Variants in TEF observed in about 807,000 individuals in gnomAD.
TEF encodes TEF transcription factor, PAR bZIP family member.
In TEF, 3 loss-of-function variants were observed where a neutral mutation model predicts 20.8. The observed-to-expected ratio is 0.14, with a 90% CI of 0.07 to 0.37. The LOEUF is 0.37. Ranked by LOEUF, TEF falls within the 10% of genes least tolerant of loss-of-function variation. The probability of loss-of-function intolerance (pLI) is 1.00; values close to 1 mark genes in which losing one functional copy is unlikely to be tolerated. For missense variants in TEF, 296 were observed against 397.9 expected, an observed-to-expected ratio of 0.74 and a Z score of 2.18; for synonymous variants, 180 against 171.1, an observed-to-expected ratio of 1.05 and a Z score of -0.41.
Position 41,369,667 on chromosome 22 carries a change from T to C in TEF, c.67+2068T>C, listed in dbSNP as rs369247385. On this transcript the variant is annotated intron_variant, in intron 1 of 3. Transcript: ENST00000406644. ...GCAATAGACCTTGTTGAAAAGAGGG[T>C]ATAGCCACCACACAGAATGATTACA... 1.1e-4 allele frequency among the ~76,000 whole-genome samples: 17 copies of C among 152,224 alleles called. No individual in the cohort carries two copies. In the East Asian group the frequency reaches 2.7e-3, roughly 24 times the overall value.
chr22:41,392,589 G>T (rs2037180098), intron 2 of TEF, among the ~76,000 whole-genome samples: 1 of 143,614 alleles, frequency 7.0e-6, no homozygotes. Context: ...CAGGAGAATA[G>T]CTTGAACCCA....
At chr22:41,392,670 CAAAAAA>C (rs920294546) in intron 2 of TEF, among the ~76,000 whole-genome samples, 5 of 39,328 alleles carry the variant, frequency 1.3e-4, no homozygotes, top group Non-Finnish European at 2.3e-4. Context: ...TGAGACTCTT[CAAAAAA>C]AAAAAAAAAA....
chr22:41,371,162 T>A (rs371658783), intron 1 of TEF, among the ~76,000 whole-genome samples: 5 of 152,264 alleles, frequency 3.3e-5, no homozygotes, highest in Non-Finnish European at 7.3e-5. Context: ...GGAAAGACAC[T>A]GTGTCTCTAA....
intron 1 of TEF, among the ~76,000 whole-genome samples, chr22:41,373,634 T>C (rs1202483189): frequency 6.6e-6 from 1 of 151,878 alleles, no homozygotes; most frequent in Non-Finnish European, 1.5e-5. Flanking sequence ...CACGCCCAGA[T>C]AATTTTTGTA....
chr22:41,389,691 A>C lies in TEF; in HGVS notation c.475+2023A>C, dbSNP rs540181866. Among the ~76,000 whole-genome samples the C allele has an allele frequency of 1.5e-4, 22 of 151,670 alleles. 1 individual carries two copies. In the East Asian group the frequency reaches 4.1e-3, roughly 28 times the overall value. ...TCACTGTGTTGCCCTGGCTGGTTTC[A>C]AATTCATGGCCTCAAACAGTCCTCC... On this transcript the variant is annotated intron_variant, in intron 2 of 3. Coordinates refer to ENST00000266304, the MANE Select transcript of TEF (RefSeq NM_003216.4).
chr22:41,388,907 A>G (rs1266518407), intron 2 of TEF, among the ~76,000 whole-genome samples: 2 of 152,122 alleles, frequency 1.3e-5, no homozygotes, highest in Admixed American at 6.6e-5. Context: ...AGACGACTAT[A>G]ATGAACCTCT....
chr22:41,373,492 C>T (rs376936406), intron 1 of TEF, among the ~76,000 whole-genome samples: 2 of 151,496 alleles, frequency 1.3e-5, no homozygotes, highest in East Asian at 1.9e-4. Flanking sequence ...TTTTTTTAGA[C>T]GGAGTCTCAC....
chr22:41,379,241 G>A (rs1042969580), upstream of TEF, among the ~76,000 whole-genome samples: 2 of 152,210 alleles, frequency 1.3e-5, no homozygotes, highest in African/African-American at 2.4e-5. Context: ...CGGAGGCTGA[G>A]GCAGGAGAAT....
chr22:41,391,806 A>G (rs1411485033), intron 2 of TEF, among the ~76,000 whole-genome samples: 2 of 152,148 alleles, frequency 1.3e-5, no homozygotes, highest in Middle Eastern at 3.2e-3. Flanking sequence ...TATTTTTAGT[A>G]GAGACGGGGT....
At chr22:41,382,247 A>G (rs1436483370) in intron 1 of TEF, 46 bp downstream of exon 1, 44 of 349,612 alleles carry the variant, frequency 1.3e-4, no homozygotes, top group Admixed American at 1.4e-4. Flanking sequence ...CGGGGCTTAT[A>G]CAGGGGCGGG....
Position 41,396,776 on chromosome 22 carries a change from A to C in TEF, c.*816A>C, listed in dbSNP as rs113993608. 10 of 395,996 alleles carry C rather than the reference A, an allele frequency of 2.5e-5. No homozygotes were observed. Among genetic ancestry groups the C allele is most frequent in the African/African-American group, 1.2e-4 (6 of 48,558 alleles). The allele number at this position is 395,996 out of a possible 1,614,324, so 24.5% of individuals were successfully genotyped here. Reference sequence around the variant, plus strand: ...AGGCCATGTGAAGCTCGTTTGTCCCACTAGACCAGGCCTCTGGGCCTGCTC... The same window carrying C: ...AGGCCATGTGAAGCTCGTTTGTCCCCCTAGACCAGGCCTCTGGGCCTGCTC... On this transcript the variant is annotated 3_prime_UTR_variant, in exon 4 of 4. Coordinates refer to ENST00000266304, the MANE Select transcript of TEF (RefSeq NM_003216.4).
intron 1 of TEF, among the ~76,000 whole-genome samples, chr22:41,376,157 T>C (rs2036939081): frequency 6.6e-6 from 1 of 152,236 alleles, no homozygotes; most frequent in Non-Finnish European, 1.5e-5. Flanking sequence ...TAAGTAAAAA[T>C]AATCCAAATT....
At chr22:41,373,407 G>C (rs1246949934) in intron 1 of TEF, among the ~76,000 whole-genome samples, 2 of 152,160 alleles carry the variant, frequency 1.3e-5, no homozygotes, top group African/African-American at 2.4e-5. Flanking sequence ...TTGATGGGAA[G>C]CCTTACAGAT....
chr22:41,381,448 C>T (rs2037020459), upstream of TEF, among the ~76,000 whole-genome samples: 1 of 152,190 alleles, frequency 6.6e-6, no homozygotes, highest in Non-Finnish European at 1.5e-5. Flanking sequence ...CCACGTGACC[C>T]GCGGGGGGTG....
intron 1 of TEF, among the ~76,000 whole-genome samples, chr22:41,372,915 A>G (rs1214373814): frequency 2.6e-5 from 4 of 152,098 alleles, no homozygotes; most frequent in Admixed American, 6.5e-5. Context: ...TGGGACAGGA[A>G]AGAAAACGGG....
upstream of TEF, among the ~76,000 whole-genome samples, chr22:41,378,954 T>G (rs2036980607): frequency 6.6e-6 from 1 of 152,270 alleles, no homozygotes. Context: ...ACCTCTGGGA[T>G]AATGGATATG....
rs2037247289 is a variant in TEF, at chr22:41,397,716, T to C, written c.*1756T>C. ...TTCTCTAAAAACCATGTACACACTT[T>C]CACTCTATTGTAACCACACAGGGCA... On this transcript the variant is annotated 3_prime_UTR_variant, in exon 4 of 4. Coordinates refer to ENST00000266304, the MANE Select transcript of TEF (RefSeq NM_003216.4). The C allele has an allele frequency of 6.6e-6, 1 of 152,210 alleles. No individual in the cohort carries two copies. Among genetic ancestry groups the C allele is most frequent in the Admixed American group, 6.5e-5 (1 of 15,270 alleles). The allele number at this position is 152,210 out of a possible 1,614,324, so 9.4% of individuals were successfully genotyped here.
At position 41,382,278 on chromosome 22, in the gene TEF, G is replaced by A. The variant is rs1386188402; in HGVS notation, c.157+77G>A. The stretch of plus-strand genomic sequence containing the variant: ...GCGGGGCCTCGTGAGGGCGGGGCCG[G>A]GGAGGCAGTGGGTCAGGGAGCAGTG... On this transcript the variant is annotated intron_variant, in intron 1 of 3. Transcript: ENST00000266304. The A allele has an allele frequency of 6.2e-6, 7 of 1,126,242 alleles. No homozygotes were observed. In the African/African-American group the frequency reaches 8.1e-5, roughly 13 times the overall value. The allele number at this position is 1,126,242 out of a possible 1,614,324, so 69.8% of individuals were successfully genotyped here. A position where few individuals can be genotyped will look rare whatever the true frequency, so the allele number is the denominator to read the frequency against.
At position 41,387,406 on chromosome 22, in the gene TEF, C is replaced by T; in HGVS notation, c.213C>T (p.Thr71=). 2.5e-6 allele frequency: 4 copies of T among 1,614,234 alleles called. No homozygotes were observed. The highest frequency in any genetic ancestry group is 3.4e-6 in the Non-Finnish European group (4 of 1,180,034). ...LEEDEAAAAS[T]MAVSASLMPP... is the part of the protein sequence containing the mutation. ...AGGACGAGGCCGCAGCCGCCAGCAC[C>T]ATGGCTGTCTCAGCCTCCCTCATGC... The change falls in exon 2 of 4, where the codon ACC becomes ACT. Residue 71 remains threonine (T), a synonymous_variant. Transcript: ENST00000266304.
Sources: gnomAD v4.1 joint callset for allele counts (sites outside exome capture counted in the v4.1 genomes callset) on GRCh38, gnomAD v4.1.1 for gene constraint, MANE v1.5 for transcripts, NCBI Gene and HGNC (gene_info 2026-07-23, HGNC 2026-07-21) for gene names.